The following NRXN1 variants were observed in gnomAD, a reference collection of about 807,000 sequenced individuals.
The protein encoded by NRXN1 is neurexin 1.
A neutral mutation model predicts 150.9 loss-of-function variants in NRXN1; 39 were observed. The observed-to-expected ratio is 0.26, with a 90% CI of 0.20 to 0.34. The LOEUF is 0.34. NRXN1 is among the 10% of genes least tolerant of loss of function. NRXN1 has a pLI of 1.00. For synonymous variants in NRXN1, 924 were observed against 757.0 expected, an observed-to-expected ratio of 1.22 and a Z score of -3.62; for missense variants, 1,815 against 1,949.9, an observed-to-expected ratio of 0.93 and a Z score of 1.30.
At chr2:50,846,029 T>G (rs1244085528) in intron 5 of NRXN1, among the ~76,000 whole-genome samples, 2 of 152,342 alleles carry the variant, frequency 1.3e-5, no homozygotes, top group East Asian at 3.9e-4. Context: ...GTTTTTCACA[T>G]TAAAATTTCT....
chr2:50,482,712 G>A (rs755425576), intron 15 of NRXN1, among the ~76,000 whole-genome samples: 5 of 152,094 alleles, frequency 3.3e-5, no homozygotes, highest in Admixed American at 2.6e-4. Context: ...CTGCATTCCC[G>A]AAAGGTTAGA....
intron 5 of NRXN1, among the ~76,000 whole-genome samples, chr2:50,761,957 C>T (rs1279918520): frequency 6.6e-6 from 1 of 151,882 alleles, no homozygotes; most frequent in Non-Finnish European, 1.5e-5. Flanking sequence ...CTCAGGTCTT[C>T]AGCCACAGAA....
chr2:50,552,758 C>A lies in NRXN1; in HGVS notation c.1588G>T (p.Ala530Ser), dbSNP rs1295872184. Residue 530 changes from alanine (A) to serine (S), a missense_variant, in exon 9 of 23, where the codon GCC (alanine) becomes TCC (serine). By Grantham distance (99) the Ala-to-Ser change is moderately conservative. Coordinates refer to ENST00000401669, the MANE Select transcript of NRXN1 (RefSeq NM_001330078.2). ...SHGKPRHQKDAKHPQMIKVDF... is the reference protein window; with the variant it reads ...SHGKPRHQKDSKHPQMIKVDF... ...ACCTTTATCATCTGTGGGTGCTTGGCATCTTTCTGATGTCTTGGCTTGCCA... is the reference window on the plus strand; with the variant it reads ...ACCTTTATCATCTGTGGGTGCTTGGAATCTTTCTGATGTCTTGGCTTGCCA... 1 of 1,613,964 alleles carries A rather than the reference C, an allele frequency of 6.2e-7. No homozygotes were observed. Among genetic ancestry groups the A allele is most frequent in the Non-Finnish European group, 8.5e-7 (1 of 1,179,870 alleles).
intron 5 of NRXN1, among the ~76,000 whole-genome samples, chr2:50,850,143 A>G (rs540920826): frequency 4.4e-4 from 66 of 151,558 alleles, no homozygotes; most frequent in Non-Finnish European, 6.8e-4. Flanking sequence ...CAGTAGGATC[A>G]CTTGAGCCCA....
chr2:50,430,233 T>G (rs2084850726), intron 17 of NRXN1, among the ~76,000 whole-genome samples: 1 of 152,176 alleles, frequency 6.6e-6, no homozygotes, highest in Non-Finnish European at 1.5e-5. Flanking sequence ...CTCCAAACCA[T>G]TTTTTAAAAT....
intron 17 of NRXN1, among the ~76,000 whole-genome samples, chr2:50,242,299 G>C (rs2066074527): frequency 6.6e-6 from 1 of 151,772 alleles, no homozygotes; most frequent in African/African-American, 2.4e-5. Context: ...TTTGGCTTAA[G>C]GTTCATAAAA....
At chr2:49,996,661 G>T (rs1016841588) in intron 21 of NRXN1, among the ~76,000 whole-genome samples, 1 of 152,138 alleles carries the variant, frequency 6.6e-6, no homozygotes, top group African/African-American at 2.4e-5. Flanking sequence ...TCAGAGTGAT[G>T]CAAGGAAGGG....
chr2:50,804,059 T>C (rs1277224793), intron 5 of NRXN1, among the ~76,000 whole-genome samples: 1 of 152,210 alleles, frequency 6.6e-6, no homozygotes. Context: ...TGAAGATAAG[T>C]AAATATTGCT....
chr2:50,475,924 C>G (rs2089952051), intron 15 of NRXN1, among the ~76,000 whole-genome samples: 1 of 151,504 alleles, frequency 6.6e-6, no homozygotes, highest in African/African-American at 2.4e-5. Context: ...AGGTGAGTCC[C>G]TGTGCATGTG....
At chr2:50,805,069 C>T (rs1302351368) in intron 5 of NRXN1, among the ~76,000 whole-genome samples, 1 of 152,096 alleles carries the variant, frequency 6.6e-6, no homozygotes, top group Non-Finnish European at 1.5e-5. Context: ...CCAGCACTTA[C>T]TGTGGGAATT....
intron 8 of NRXN1, chr2:50,554,555 A>G (rs1468586849): frequency 6.6e-6 from 1 of 152,174 alleles, no homozygotes; most frequent in Non-Finnish European, 1.5e-5. Context: ...CATAAGTGGG[A>G]AAATCTACAT....
chr2:50,373,294 T>TTTATTATTATTATTA (rs6146761), intron 17 of NRXN1, among the ~76,000 whole-genome samples: 54 of 140,394 alleles, frequency 3.8e-4, no homozygotes, highest in African/African-American at 1.4e-3. Flanking sequence ...TATTTTATTT[T>TTTATTATTATTATTA]TTATTATTAT....
intron 16 of NRXN1, among the ~76,000 whole-genome samples, chr2:50,467,134 C>T (rs149127950): frequency 1.6e-3 from 245 of 151,822 alleles, no homozygotes; most frequent in African/African-American, 5.5e-3. Context: ...CCATGTGCAG[C>T]GTTTATCCTT....
At position 49,991,511 on chromosome 2, in the gene NRXN1, G is replaced by A. The variant is rs150997834; in HGVS notation, c.4129-47720C>T. Reference sequence around the variant, plus strand: ...CCCCCCCAAAATGAAACACATAGATGTAAATCAAACAAAATATCTAAAAAA... The same window carrying A: ...CCCCCCCAAAATGAAACACATAGATATAAATCAAACAAAATATCTAAAAAA... On this transcript the variant is annotated intron_variant, in intron 21 of 22. Transcript: ENST00000401669. Among the ~76,000 whole-genome samples, 363 of 152,084 alleles carry A rather than the reference G, an allele frequency of 2.4e-3. 1 individual carries two copies. The highest frequency in any genetic ancestry group is 4.4e-3 in the Non-Finnish European group (300 of 67,974).
At position 50,252,261 on chromosome 2, in the gene NRXN1, T is replaced by TC. The variant is rs1311594258; in HGVS notation, c.3365-15292_3365-15291insG. On this transcript the variant is annotated intron_variant, in intron 17 of 22. Transcript: ENST00000401669. ...TTTTTTTTTTCTTTTTTCTTTTCTT[T>TC]TTTTTTTTTTTTTTTTGAGACAGAG... 2.4e-3 allele frequency among the ~76,000 whole-genome samples: 121 copies of TC among 50,850 alleles called. 1 individual carries two copies. The South Asian group carries it at 0.066, about 28-fold the overall frequency. 33.4% of individuals were successfully genotyped at this position (50,850 alleles called of 152,430 possible). A position where few individuals can be genotyped will look rare whatever the true frequency, so the allele number is the denominator to read the frequency against.
intron 5 of NRXN1, among the ~76,000 whole-genome samples, chr2:50,711,329 CTT>C (rs765521627): frequency 1.9e-4 from 17 of 89,844 alleles, no homozygotes; most frequent in East Asian, 6.6e-4. Flanking sequence ...AGGTACTGGA[CTT>C]TTTTTTTTTT....
chr2:50,427,172 C>CT (rs1284661754), intron 17 of NRXN1, among the ~76,000 whole-genome samples: 2 of 152,220 alleles, frequency 1.3e-5, no homozygotes, highest in African/African-American at 4.8e-5. Context: ...GATAAAAATA[C>CT]TTTAATTATA....
intron 2 of NRXN1, among the ~76,000 whole-genome samples, chr2:50,964,226 T>C (rs1383254222): frequency 6.6e-6 from 1 of 151,558 alleles, no homozygotes; most frequent in Non-Finnish European, 1.5e-5. Flanking sequence ...CTTTCTGCCA[T>C]TCTAAGTCGC....
At chr2:50,605,199 G>C (rs1215947514) in intron 8 of NRXN1, among the ~76,000 whole-genome samples, 1 of 152,168 alleles carries the variant, frequency 6.6e-6, no homozygotes, top group Non-Finnish European at 1.5e-5. Context: ...TTAGCATCTA[G>C]ATCAGTGCCA....
Sources: allele counts gnomAD v4.1 joint callset (sites outside exome capture counted in the v4.1 genomes callset), GRCh38; gene constraint gnomAD v4.1.1; transcripts MANE v1.5; gene names NCBI Gene and HGNC (gene_info 2026-07-23, HGNC 2026-07-21).